Variants in KRABD5 observed in about 807,000 individuals in gnomAD.
KRABD5 encodes the protein KRAB domain-containing protein 5.
At chr16:31,715,464 T>G in the KRABD5 span, among the ~76,000 whole-genome samples, 1 of 152,224 alleles carries the variant, frequency 6.6e-6, no homozygotes, top group African/African-American at 2.4e-5. Flanking sequence ...CACTCCTTTC[T>G]CTTGCCCTAC....
the KRABD5 span, chr16:31,722,879 A>G: frequency 8.7e-7 from 1 of 1,148,608 alleles, no homozygotes; most frequent in Non-Finnish European, 1.2e-6. Context: ...TTTCCAGGAA[A>G]AAAAAATTGT....
the KRABD5 span, among the ~76,000 whole-genome samples, chr16:31,729,610 A>G: frequency 2.0e-5 from 3 of 152,230 alleles, no homozygotes; most frequent in Non-Finnish European, 2.9e-5. Context: ...AGTGACATTC[A>G]GTCTTTATCA....
the KRABD5 span, among the ~76,000 whole-genome samples, chr16:31,729,866 TAA>T: frequency 6.6e-6 from 1 of 152,232 alleles, no homozygotes; most frequent in African/African-American, 2.4e-5. Context: ...CAGCCTAGTT[TAA>T]GATGATAATT....
At chr16:31,752,080 G>A in the KRABD5 span, among the ~76,000 whole-genome samples, 1 of 152,110 alleles carries the variant, frequency 6.6e-6, no homozygotes, top group Admixed American at 6.6e-5. Context: ...GATCTTCTTG[G>A]TATTGTTTTC....
the KRABD5 span, chr16:31,753,815 A>C: frequency 3.2e-6 from 5 of 1,546,382 alleles, no homozygotes; most frequent in Non-Finnish European, 4.4e-6. Context: ...AGCTTATAGA[A>C]GCATCATTCC....
the KRABD5 span, among the ~76,000 whole-genome samples, chr16:31,721,665 G>A: frequency 3.9e-5 from 6 of 152,248 alleles, no homozygotes; most frequent in African/African-American, 1.4e-4. Flanking sequence ...ATGACATCTA[G>A]TAAATAGTAA....
the KRABD5 span, among the ~76,000 whole-genome samples, chr16:31,735,918 G>A: frequency 6.6e-6 from 1 of 152,152 alleles, no homozygotes. Flanking sequence ...TTAGGTTGAT[G>A]TAATCTCATT....
chr16:31,723,964 GA>G, the KRABD5 span, among the ~76,000 whole-genome samples: 1 of 152,082 alleles, frequency 6.6e-6, no homozygotes. Flanking sequence ...CCTAAACTAA[GA>G]TTAGAAATAT....
chr16:31,740,364 C>G, the KRABD5 span, among the ~76,000 whole-genome samples: 1 of 152,180 alleles, frequency 6.6e-6, no homozygotes, highest in Non-Finnish European at 1.5e-5. Context: ...GTTGAACCCT[C>G]TAGTGAATCC....
the KRABD5 span, among the ~76,000 whole-genome samples, chr16:31,736,627 C>T: frequency 1.3e-5 from 2 of 150,666 alleles, no homozygotes; most frequent in African/African-American, 4.9e-5. Flanking sequence ...AAATGATTGT[C>T]CTGCCTCAGC....
chr16:31,749,108 A>C, the KRABD5 span, among the ~76,000 whole-genome samples: 1 of 152,192 alleles, frequency 6.6e-6, no homozygotes, highest in African/African-American at 2.4e-5. Flanking sequence ...CCCTCTCGCT[A>C]GGGGCTCAGG....
the KRABD5 span, among the ~76,000 whole-genome samples, chr16:31,737,717 G>A: frequency 6.6e-6 from 1 of 152,098 alleles, no homozygotes; most frequent in East Asian, 1.9e-4. Context: ...CAATAGCTAT[G>A]TAGTATATTT....
chr16:31,722,338 A>G, the KRABD5 span, among the ~76,000 whole-genome samples: 1 of 152,184 alleles, frequency 6.6e-6, no homozygotes, highest in Non-Finnish European at 1.5e-5. Context: ...AAGTGCTGAG[A>G]TTACAGGTAT....
the KRABD5 span, among the ~76,000 whole-genome samples, chr16:31,748,487 C>G: frequency 6.6e-6 from 1 of 152,202 alleles, no homozygotes; most frequent in African/African-American, 2.4e-5. Context: ...TAGTTAGCAG[C>G]TCCTCTAACC....
chr16:31,757,998 A>AT, the KRABD5 span: 1 of 152,176 alleles, frequency 6.6e-6, no homozygotes, highest in Non-Finnish European at 1.5e-5. Context: ...TCAGAGATAG[A>AT]TAATGTTCCA....
At chr16:31,730,813 T>G in the KRABD5 span, among the ~76,000 whole-genome samples, 1 of 152,130 alleles carries the variant, frequency 6.6e-6, no homozygotes, top group South Asian at 2.1e-4. Context: ...TGATTGAGTC[T>G]CTTGTTAAAA....
At chr16:31,717,334 G>A in the KRABD5 span, among the ~76,000 whole-genome samples, 726 of 152,210 alleles carry the variant, frequency 4.8e-3, 2 homozygotes, top group Non-Finnish European at 8.0e-3. Flanking sequence ...TCTAGGACTG[G>A]GAATCATTGA....
the KRABD5 span, among the ~76,000 whole-genome samples, chr16:31,751,679 A>G: frequency 2.0e-5 from 3 of 152,070 alleles, no homozygotes; most frequent in Non-Finnish European, 4.4e-5. Flanking sequence ...TAACCTAGCT[A>G]GTGGTCTATC....
At chr16:31,756,251 CTT>C in the KRABD5 span, 1 of 151,982 alleles carries the variant, frequency 6.6e-6, no homozygotes, top group Non-Finnish European at 1.5e-5. Flanking sequence ...AAAAGAGGCT[CTT>C]TGTGTTTGAA....
Sources: allele counts gnomAD v4.1 joint callset (sites outside exome capture counted in the v4.1 genomes callset), GRCh38; gene constraint gnomAD v4.1.1; transcripts MANE v1.5; gene names NCBI Gene and HGNC (gene_info 2026-07-23, HGNC 2026-07-21).